ZFAND3: variants seen among roughly 807,000 people sequenced by gnomAD.
The protein encoded by ZFAND3 is AN1-type zinc finger protein 3.
In ZFAND3, 10 loss-of-function variants were observed where a neutral mutation model predicts 29.6. The observed-to-expected ratio is 0.34, with a 90% CI of 0.21 to 0.57. ZFAND3 has a LOEUF of 0.57. Among genes scored for constraint, ZFAND3 ranks in the 20% least tolerant of loss-of-function variants. The pLI is 0.86. For missense variants in ZFAND3, 230 were observed against 304.5 expected, an observed-to-expected ratio of 0.76 and a Z score of 1.82; for synonymous variants, 128 against 112.6, an observed-to-expected ratio of 1.14 and a Z score of -0.87.
At chr6:37,998,301 G>A (rs920282068) in intron 2 of ZFAND3, among the ~76,000 whole-genome samples, 1 of 152,188 alleles carries the variant, frequency 6.6e-6, no homozygotes, top group East Asian at 1.9e-4. Flanking sequence ...CAGGAAGTGA[G>A]GAGGATTGAA....
chr6:37,989,439 A>G (rs755071962), intron 2 of ZFAND3, among the ~76,000 whole-genome samples: 34 of 152,158 alleles, frequency 2.2e-4, no homozygotes, highest in Admixed American at 4.6e-4. Context: ...CTGTGTCCAC[A>G]TGGCAGAGAG....
At chr6:37,954,078 G>T (rs921209966) in intron 2 of ZFAND3, among the ~76,000 whole-genome samples, 1 of 152,096 alleles carries the variant, frequency 6.6e-6, no homozygotes, top group African/African-American at 2.4e-5. Flanking sequence ...TTTGTGATGA[G>T]AAATTTGTTG....
chr6:37,896,284 A>G (rs1219723724), intron 1 of ZFAND3, among the ~76,000 whole-genome samples: 2 of 151,818 alleles, frequency 1.3e-5, no homozygotes, highest in Non-Finnish European at 1.5e-5. Flanking sequence ...ATTTTTATCC[A>G]GTTATTTTTC....
At chr6:37,902,737 C>CTTTTTTTTTTTTTTTTTTTTTTTTTTTTT (rs11448512) in intron 1 of ZFAND3, among the ~76,000 whole-genome samples, 1 of 100,450 alleles carries the variant, frequency 1.0e-5, no homozygotes, top group Admixed American at 1.2e-4. Context: ...CTTTTACTTA[C>CTTTTTTTTTTTTTTTTTTTTTTTTTTTTT]TTTTTTTTTT....
chr6:38,083,353 C>T (rs1264626957), intron 4 of ZFAND3, among the ~76,000 whole-genome samples: 2 of 152,122 alleles, frequency 1.3e-5, no homozygotes, highest in Non-Finnish European at 2.9e-5. Flanking sequence ...TTGTACTCTT[C>T]TCTTCCAAAT....
In ZFAND3 at chr6:38,141,679, C is replaced by T. The variant is rs940219373; in HGVS notation, c.530-10556C>T. On this transcript the variant is annotated intron_variant, in intron 5 of 5. Transcript: ENST00000287218. The stretch of plus-strand genomic sequence containing the variant: ...TTCCACATTCGTTCTCTTTTGTCGG[C>T]AGTGACTTCTCAAAGGAGAATGGAA... Among the ~76,000 whole-genome samples the T allele has an allele frequency of 3.3e-5, 5 of 152,202 alleles. No individual in the cohort carries two copies. The South Asian group carries it at 1.0e-3, about 32-fold the overall frequency.
intron 1 of ZFAND3, among the ~76,000 whole-genome samples, chr6:37,847,481 T>A (rs1378221815): frequency 6.6e-6 from 1 of 151,902 alleles, no homozygotes; most frequent in Non-Finnish European, 1.5e-5. Context: ...GGCTGAGACA[T>A]GAGAATCGCT....
intron 2 of ZFAND3, among the ~76,000 whole-genome samples, chr6:37,977,926 G>GTTCTTCCT (rs371426504): frequency 0.093 from 9,941 of 106,922 alleles, 407 homozygotes; most frequent in Middle Eastern, 0.17. Flanking sequence ...CCTTTCTTCC[G>GTTCTTCCT]TTCTTCCTTT....
chr6:37,895,751 T>C lies in ZFAND3; in HGVS notation c.72-34208T>C, dbSNP rs573783505. On this transcript the variant is annotated intron_variant, in intron 1 of 5. Transcript: ENST00000287218. ...TTTACCTTGTTTTCATAGATATTTT[T>C]GTATTCTTGTAAATATTCCTGACTT... 3.9e-5 allele frequency among the ~76,000 whole-genome samples: 6 copies of C among 152,270 alleles called. No homozygotes were observed. The East Asian group carries it at 1.2e-3, about 29-fold the overall frequency.
At chr6:37,969,719 G>A (rs1762354341) in intron 2 of ZFAND3, among the ~76,000 whole-genome samples, 1 of 152,172 alleles carries the variant, frequency 6.6e-6, no homozygotes, top group Admixed American at 6.5e-5. Flanking sequence ...TTGTGTGTGA[G>A]GGGAGGGGAC....
intron 3 of ZFAND3, among the ~76,000 whole-genome samples, chr6:38,068,999 C>T (rs1278815770): frequency 6.6e-6 from 1 of 152,182 alleles, no homozygotes; most frequent in Non-Finnish European, 1.5e-5. Flanking sequence ...GCTAGACTGC[C>T]CCGGGTCTTT....
intron 5 of ZFAND3, among the ~76,000 whole-genome samples, chr6:38,137,536 G>A (rs1231702008): frequency 6.6e-6 from 1 of 152,224 alleles, no homozygotes; most frequent in Non-Finnish European, 1.5e-5. Flanking sequence ...AGAGCAAGGG[G>A]TAAAACTGAC....
chr6:37,945,163 T>G (rs1366832939), intron 2 of ZFAND3, among the ~76,000 whole-genome samples: 1 of 152,216 alleles, frequency 6.6e-6, no homozygotes, highest in East Asian at 1.9e-4. Flanking sequence ...CTTAGCTAGC[T>G]TAACCCACAC....
In ZFAND3 at chr6:37,994,174, A is replaced by G. The variant is rs551367688; in HGVS notation, c.112+64175A>G. ...TTACAAAAAATATGATTACTTAACA[A>G]TTATAATGTTATGATCCTGAAGATG... On this transcript the variant is annotated intron_variant, in intron 2 of 5. Transcript: ENST00000287218. Among the ~76,000 whole-genome samples the G allele has an allele frequency of 9.2e-5, 14 of 152,266 alleles. 1 individual carries two copies. In the South Asian group the frequency reaches 2.9e-3, roughly 32 times the overall value.
chr6:37,870,824 T>C (rs1764682637), intron 1 of ZFAND3, among the ~76,000 whole-genome samples: 1 of 152,168 alleles, frequency 6.6e-6, no homozygotes, highest in African/African-American at 2.4e-5. Context: ...GGATTACAGG[T>C]GTGCACCACC....
intron 5 of ZFAND3, among the ~76,000 whole-genome samples, chr6:38,144,231 A>AATATATATATATATT (rs1766053283): frequency 1.1e-4 from 8 of 75,256 alleles, no homozygotes; most frequent in African/African-American, 3.4e-4. Flanking sequence ...ATATATATAT[A>AATATATATATATATT]TTTTTTTTTT....
At chr6:38,012,452 C>T (rs1003163834) in intron 2 of ZFAND3, among the ~76,000 whole-genome samples, 5 of 148,480 alleles carry the variant, frequency 3.4e-5, no homozygotes, top group Non-Finnish European at 4.4e-5. Flanking sequence ...GATCTTGGCT[C>T]ACTGCAACCT....
chr6:37,823,052 A>G (rs1419923670), intron 1 of ZFAND3, among the ~76,000 whole-genome samples: 2 of 152,082 alleles, frequency 1.3e-5, no homozygotes, highest in Non-Finnish European at 2.9e-5. Context: ...TCAGGGAGTG[A>G]TGTATATCTT....
intron 1 of ZFAND3, among the ~76,000 whole-genome samples, chr6:37,902,054 GTTTGTA>G (rs1297604501): frequency 6.6e-6 from 1 of 152,104 alleles, no homozygotes; most frequent in Non-Finnish European, 1.5e-5. Context: ...TAAATTCAGC[GTTTGTA>G]TTTGTATATT....
Sources: gnomAD v4.1 joint callset for allele counts (sites outside exome capture counted in the v4.1 genomes callset) on GRCh38, gnomAD v4.1.1 for gene constraint, MANE v1.5 for transcripts, NCBI Gene and HGNC (gene_info 2026-07-23, HGNC 2026-07-21) for gene names.